BZW1: variants seen among roughly 807,000 people sequenced by gnomAD.
BZW1 encodes eIF5-mimic protein 2.
Under a neutral mutation model 54.1 loss-of-function variants are expected in BZW1, and 3 were observed. That is an observed-to-expected ratio of 0.06 (90% confidence interval 0.03 to 0.14). The LOEUF is 0.14. Ranked by LOEUF, BZW1 falls within the 10% of genes least tolerant of loss-of-function variation. The pLI is 1.00. For missense variants in BZW1, 206 were observed against 491.7 expected, an observed-to-expected ratio of 0.42 and a Z score of 5.50; for synonymous variants, 152 against 162.7, an observed-to-expected ratio of 0.93 and a Z score of 0.50.
Position 200,824,537 on chromosome 2 carries a change from A to G in BZW1, c.*2359A>G, listed in dbSNP as rs1456859582. ...TTCTTATTTAAAAAAAAAAACCTCCATATACCAAAAATGCTACAGGATATT... is the reference window on the plus strand; with the variant it reads ...TTCTTATTTAAAAAAAAAAACCTCCGTATACCAAAAATGCTACAGGATATT... On this transcript the variant is annotated 3_prime_UTR_variant, in exon 12 of 12. Coordinates refer to ENST00000409600, the MANE Select transcript of BZW1 (RefSeq NM_001207067.2). 2 of 151,738 alleles carry G rather than the reference A, an allele frequency of 1.3e-5. No homozygotes were observed. The highest frequency in any genetic ancestry group is 3.8e-4 in the East Asian group (2 of 5,200). The allele number at this position is 151,738 out of a possible 1,614,324, so 9.4% of individuals were successfully genotyped here.
At chr2:200,820,203 G>T (rs2038458572) in intron 10 of BZW1, 83 bp downstream of exon 10, 2 of 1,223,678 alleles carry the variant, frequency 1.6e-6, no homozygotes, top group South Asian at 3.5e-5. Flanking sequence ...GAGTTATCTG[G>T]ACATCAGCTC....
intron 1 of BZW1, chr2:200,812,877 GTGGAAGA>G: frequency 1.5e-6 from 1 of 653,122 alleles, no homozygotes; most frequent in East Asian, 3.2e-5. Context: ...CTTAGTGGTC[GTGGAAGA>G]TGTAAGTGAA....
rs142416356 is a variant in BZW1, at chr2:200,821,949, G to C, written c.1229-198G>C. Among the ~76,000 whole-genome samples, 31 of 152,048 alleles carry C rather than the reference G, an allele frequency of 2.0e-4. 1 individual carries two copies. Among genetic ancestry groups the C allele is most frequent in the African/African-American group, 7.2e-4 (30 of 41,380 alleles). ...CCAGTTTTGGTGGTGGGCGCCTGTA[G>C]TTCCAGCTACTTGGGAAACTGAAGT... On this transcript the variant is annotated intron_variant, in intron 11 of 11. Coordinates refer to ENST00000409600, the MANE Select transcript of BZW1 (RefSeq NM_001207067.2).
At position 200,825,259 on chromosome 2, in the gene BZW1, C is replaced by T. The variant is rs1049795709; in HGVS notation, c.*3081C>T. ...TTTGTATTTTTAGTAGAGGTTTCAC[C>T]ACGTTGATCAGGCTGGTCTCAAACT... On this transcript the variant is annotated 3_prime_UTR_variant, in exon 12 of 12. Coordinates refer to ENST00000409600, the MANE Select transcript of BZW1 (RefSeq NM_001207067.2). 2 of 143,392 alleles carry T rather than the reference C, an allele frequency of 1.4e-5. No individual in the cohort carries two copies. The highest frequency in any genetic ancestry group is 5.0e-5 in the African/African-American group (2 of 39,658). 8.9% of individuals were successfully genotyped at this position (143,392 alleles called of 1,614,324 possible).
intron 7 of BZW1, 58 bp downstream of exon 7, chr2:200,818,141 T>G (rs1480772860): frequency 9.3e-6 from 14 of 1,513,154 alleles, no homozygotes; most frequent in Non-Finnish European, 1.2e-5. Context: ...GAGAGAAATT[T>G]CTCATTTTTA....
intron 4 of BZW1, 138 bp downstream of exon 4, chr2:200,815,899 C>A: frequency 1.2e-6 from 1 of 821,630 alleles, no homozygotes; most frequent in Non-Finnish European, 1.8e-6. Context: ...GTTCTTGGTG[C>A]AACGGGATGA....
rs576206260 is a variant in BZW1, at chr2:200,812,433, C to T, written c.-11+443C>T. The T allele has an allele frequency of 6.4e-4, 826 of 1,293,320 alleles. 17 individuals carry two copies. The South Asian group carries it at 0.018, about 29-fold the overall frequency. 80.1% of individuals were successfully genotyped at this position (1,293,320 alleles called of 1,614,324 possible). A position where few individuals can be genotyped will look rare whatever the true frequency, so the allele number is the denominator to read the frequency against. ...ATGTACGGGGCGCCTGGGGCCCCGGCGCAAAGCGCCTCAGTGACTGTGGTC... is the reference window on the plus strand; with the variant it reads ...ATGTACGGGGCGCCTGGGGCCCCGGTGCAAAGCGCCTCAGTGACTGTGGTC... On this transcript the variant is annotated intron_variant, in intron 1 of 11. Transcript: ENST00000409600.
Position 200,824,339 on chromosome 2 carries a change from T to G in BZW1, c.*2161T>G, listed in dbSNP as rs751466449. On this transcript the variant is annotated 3_prime_UTR_variant, in exon 12 of 12. Transcript: ENST00000409600. ...GGCCTCAAGTATGTAATTCTTAATA[T>G]AGATGTTAAATTGTACTTTTAATTA... 6.6e-6 allele frequency: 1 copy of G among 152,194 alleles called. No individual in the cohort carries two copies. Among genetic ancestry groups the G allele is most frequent in the African/African-American group, 2.4e-5 (1 of 41,446 alleles). The allele number at this position is 152,194 out of a possible 1,614,324, so 9.4% of individuals were successfully genotyped here.
chr2:200,818,448 T>A (rs1418895748), intron 8 of BZW1, 55 bp downstream of exon 8: 1 of 1,558,128 alleles, frequency 6.4e-7, no homozygotes, highest in African/African-American at 1.4e-5. Flanking sequence ...ATAGAGATTT[T>A]CACTAATTTG....
intron 10 of BZW1, 80 bp from the exon 11 acceptor site, chr2:200,821,103 G>A (rs2105704607): frequency 6.6e-7 from 1 of 1,511,112 alleles, no homozygotes; most frequent in Non-Finnish European, 9.0e-7. Flanking sequence ...TGCTAAGCAG[G>A]CATTTGCACA....
chr2:200,819,366 G>A (rs541805317), intron 9 of BZW1, among the ~76,000 whole-genome samples: 1 of 152,198 alleles, frequency 6.6e-6, no homozygotes, highest in African/African-American at 2.4e-5. Context: ...CAAAGCCTGG[G>A]TGACAGGGTG....
At chr2:200,819,677 C>T (rs539580793) in intron 9 of BZW1, among the ~76,000 whole-genome samples, 2 of 151,770 alleles carry the variant, frequency 1.3e-5, no homozygotes, top group African/African-American at 4.8e-5. Flanking sequence ...TCTGCCTCCT[C>T]GGCCTCCCAA....
intron 7 of BZW1, 55 bp from the exon 8 acceptor site, chr2:200,818,168 G>A (rs2038362651): frequency 2.0e-6 from 3 of 1,511,412 alleles, no homozygotes; most frequent in Non-Finnish European, 2.7e-6. Context: ...TGAAAAGAAA[G>A]TGTTTTTCTT....
rs2038156021 is a variant in BZW1, at chr2:200,813,209, G to T, written c.-9G>T. ...AAGGCTTTATTTCTCCTTTCCTAGG[G>T]TGTCTTTTATGAATAATCAAAAGCA... is the stretch of plus-strand genomic sequence containing the variant. On this transcript the variant is annotated splice_region_variant and 5_prime_UTR_variant, in exon 2 of 12. Coordinates refer to ENST00000409600, the MANE Select transcript of BZW1 (RefSeq NM_001207067.2). 1.2e-6 allele frequency: 2 copies of T among 1,612,608 alleles called. No individual in the cohort carries two copies. Among genetic ancestry groups the T allele is most frequent in the Non-Finnish European group, 1.7e-6 (2 of 1,179,134 alleles).
rs1358730395 is a variant in BZW1 at position 200,812,196 on chromosome 2, G to T, written c.-11+206G>T. The T allele has an allele frequency of 2.5e-5, 30 of 1,219,294 alleles. 1 individual carries two copies. In the East Asian group the frequency reaches 8.6e-4, roughly 35 times the overall value. The allele number at this position is 1,219,294 out of a possible 1,614,324, so 75.5% of individuals were successfully genotyped here. A position where few individuals can be genotyped will look rare whatever the true frequency, so the allele number is the denominator to read the frequency against. ...GGGTAGCGGCGGCCCGGGTGGGGAG[G>T]TGGGGTCCGGGTGTGCGCCGCGGCG... is the stretch of plus-strand genomic sequence containing the variant. On this transcript the variant is annotated intron_variant, in intron 1 of 11. Transcript: ENST00000409600.
intron 8 of BZW1, 141 bp downstream of exon 8, chr2:200,818,534 G>C (rs1399296910): frequency 3.5e-6 from 4 of 1,129,800 alleles, no homozygotes; most frequent in African/African-American, 1.6e-5. Context: ...TCATTCTTTT[G>C]CATATGCTTC....
Position 200,815,326 on chromosome 2 carries a change from C to A in BZW1, c.65-15C>A. 2 of 1,579,496 alleles carry A rather than the reference C, an allele frequency of 1.3e-6. No individual in the cohort carries two copies. The highest frequency in any genetic ancestry group is 1.2e-5 in the South Asian group (1 of 86,822). On this transcript the variant is annotated splice_polypyrimidine_tract_variant and intron_variant, in intron 2 of 11. Coordinates refer to ENST00000409600, the MANE Select transcript of BZW1 (RefSeq NM_001207067.2). The stretch of plus-strand genomic sequence containing the variant: ...TCTTTTAAAACTAAATGTTTTGGGT[C>A]CCTTGTCCCCCCAGATGAAAAAGAG...
At chr2:200,812,394 T>A in intron 1 of BZW1, 1 of 1,284,918 alleles carries the variant, frequency 7.8e-7, no homozygotes, top group Non-Finnish European at 9.8e-7. Context: ...CTGCTTTCGC[T>A]GGAGGGCGGG....
intron 10 of BZW1, among the ~76,000 whole-genome samples, chr2:200,820,513 C>T (rs764511553): frequency 2.0e-5 from 3 of 151,926 alleles, no homozygotes; most frequent in Non-Finnish European, 4.4e-5. Context: ...GACCTCATCT[C>T]TACAAAAAAA....
Sources: gnomAD v4.1 joint callset for allele counts (sites outside exome capture counted in the v4.1 genomes callset) on GRCh38, gnomAD v4.1.1 for gene constraint, MANE v1.5 for transcripts, NCBI Gene and HGNC (gene_info 2026-07-23, HGNC 2026-07-21) for gene names.